COL25A1: variants seen among roughly 807,000 people sequenced by gnomAD.
COL25A1 encodes the protein collagen type XXV alpha 1 chain.
A neutral mutation model predicts 128.4 loss-of-function variants in COL25A1; 103 were observed. The observed-to-expected ratio is 0.80, with a 90% CI of 0.68 to 0.94. The LOEUF is 0.94. COL25A1 is among the 40% of genes least tolerant of loss of function. The pLI is 0.00. For synonymous variants in COL25A1, 279 were observed against 277.2 expected (o/e 1.01, Z -0.06); for missense variants, 745 against 840.0 (o/e 0.89, Z 1.40).
chr4:109,169,503 T>C (rs982604052), intron 3 of COL25A1, among the ~76,000 whole-genome samples: 25 of 152,180 alleles, frequency 1.6e-4, no homozygotes, highest in African/African-American at 5.8e-4. Context: ...TATATCTATA[T>C]CTCTATCACC....
chr4:109,113,734 T>C (rs948931697), intron 3 of COL25A1, among the ~76,000 whole-genome samples: 2 of 152,074 alleles, frequency 1.3e-5, no homozygotes, highest in Non-Finnish European at 2.9e-5. Flanking sequence ...AAGCATTTCA[T>C]GAGCACTACA....
intron 3 of COL25A1, among the ~76,000 whole-genome samples, chr4:109,138,852 C>T (rs1410202118): frequency 6.6e-6 from 1 of 152,096 alleles, no homozygotes; most frequent in Non-Finnish European, 1.5e-5. Context: ...GGACTACAGG[C>T]ACCCACCACC....
At chr4:109,103,342 T>C (rs1208648524) in intron 3 of COL25A1, among the ~76,000 whole-genome samples, 1 of 152,080 alleles carries the variant, frequency 6.6e-6, no homozygotes, top group East Asian at 1.9e-4. Flanking sequence ...TCAGTGAGAC[T>C]GCAATCAATG....
intron 6 of COL25A1, among the ~76,000 whole-genome samples, chr4:109,000,167 A>T (rs1755208391): frequency 6.6e-6 from 1 of 152,174 alleles, no homozygotes; most frequent in African/African-American, 2.4e-5. Context: ...AGTGTTCATG[A>T]ATAATTATAA....
chr4:109,121,420 A>C, intron 3 of COL25A1, among the ~76,000 whole-genome samples: 1 of 152,112 alleles, frequency 6.6e-6, no homozygotes, highest in Admixed American at 6.6e-5. Flanking sequence ...AACTCCTAAA[A>C]CTCAACTATA....
At chr4:109,136,279 G>A (rs1395430385) in intron 3 of COL25A1, among the ~76,000 whole-genome samples, 1 of 152,110 alleles carries the variant, frequency 6.6e-6, no homozygotes, top group Non-Finnish European at 1.5e-5. Flanking sequence ...CGTGCCTGTA[G>A]TCCCAGCTAC....
intron 3 of COL25A1, among the ~76,000 whole-genome samples, chr4:109,096,347 T>A (rs1028316520): frequency 6.6e-6 from 1 of 152,150 alleles, no homozygotes; most frequent in Non-Finnish European, 1.5e-5. Flanking sequence ...AGCTGAAAAA[T>A]TCTTATTGCT....
At chr4:108,947,233 G>A (rs11942035) in intron 8 of COL25A1, among the ~76,000 whole-genome samples, 1 of 152,000 alleles carries the variant, frequency 6.6e-6, no homozygotes. Flanking sequence ...CACAAGGTCA[G>A]GAGTTCGAGA....
intron 3 of COL25A1, among the ~76,000 whole-genome samples, chr4:109,200,228 C>G (rs1283850989): frequency 1.3e-5 from 2 of 152,222 alleles, no homozygotes; most frequent in Non-Finnish European, 2.9e-5. Context: ...TCAAGCCTCA[C>G]TGCTGGTGAG....
At chr4:109,265,608 G>C (rs1781736419) in intron 3 of COL25A1, among the ~76,000 whole-genome samples, 2 of 145,732 alleles carry the variant, frequency 1.4e-5, no homozygotes, top group African/African-American at 5.0e-5. Context: ...TATGTCATTT[G>C]AACTATATAA....
intron 8 of COL25A1, among the ~76,000 whole-genome samples, chr4:108,953,696 A>T (rs1248711643): frequency 6.6e-6 from 1 of 151,224 alleles, no homozygotes; most frequent in Non-Finnish European, 1.5e-5. Flanking sequence ...CAAGAAATGA[A>T]AGTCTTTTTT....
At chr4:108,850,534 T>C (rs928346435) in intron 26 of COL25A1, among the ~76,000 whole-genome samples, 1 of 152,130 alleles carries the variant, frequency 6.6e-6, no homozygotes, top group African/African-American at 2.4e-5. Flanking sequence ...CGAGAATGAC[T>C]CAACCCTCCT....
chr4:109,144,042 G>A (rs1264470957), intron 3 of COL25A1, among the ~76,000 whole-genome samples: 2 of 152,120 alleles, frequency 1.3e-5, no homozygotes, highest in Non-Finnish European at 2.9e-5. Context: ...ATCTACCTTT[G>A]ATCTTTCATG....
At chr4:108,988,137 C>A (rs937834705) in intron 6 of COL25A1, among the ~76,000 whole-genome samples, 5 of 152,078 alleles carry the variant, frequency 3.3e-5, no homozygotes, top group African/African-American at 1.2e-4. Flanking sequence ...ACATCTGTAA[C>A]CTAGAGCAAA....
chr4:108,900,717 A>G (rs934506684), intron 14 of COL25A1, among the ~76,000 whole-genome samples: 1 of 152,140 alleles, frequency 6.6e-6, no homozygotes, highest in African/African-American at 2.4e-5. Flanking sequence ...AGGTGGCCAA[A>G]TCTTGGGGAA....
At chr4:109,049,000 G>A (rs921756035) in intron 4 of COL25A1, among the ~76,000 whole-genome samples, 4 of 151,882 alleles carry the variant, frequency 2.6e-5, no homozygotes, top group Non-Finnish European at 5.9e-5. Context: ...TAGATTCAAT[G>A]AGCTTTAAAG....
intron 3 of COL25A1, among the ~76,000 whole-genome samples, chr4:109,246,227 A>G (rs985409866): frequency 2.0e-5 from 3 of 152,124 alleles, no homozygotes; most frequent in Non-Finnish European, 2.9e-5. Context: ...TCCTCAAGGT[A>G]TTACATGTAA....
chr4:109,047,059 C>T (rs930895438), intron 5 of COL25A1, among the ~76,000 whole-genome samples: 6 of 152,178 alleles, frequency 3.9e-5, no homozygotes, highest in Non-Finnish European at 8.8e-5. Flanking sequence ...AAGTGAAACT[C>T]TCCAAGGGCT....
At chr4:109,254,238 G>C (rs912440679) in intron 3 of COL25A1, among the ~76,000 whole-genome samples, 2 of 151,452 alleles carry the variant, frequency 1.3e-5, no homozygotes, top group South Asian at 4.2e-4. Context: ...ATAATTAAAT[G>C]TGCCTTTTGC....
Sources: allele counts gnomAD v4.1 joint callset (sites outside exome capture counted in the v4.1 genomes callset), GRCh38; gene constraint gnomAD v4.1.1; transcripts MANE v1.5; gene names NCBI Gene and HGNC (gene_info 2026-07-23, HGNC 2026-07-21).